The following TMEM54 variants were observed in gnomAD, a reference collection of about 807,000 sequenced individuals.
TMEM54 encodes beta-casein-like protein.
Under a neutral mutation model 21.3 loss-of-function variants are expected in TMEM54, and 21 were observed. The ratio of observed to expected loss-of-function variants is 0.99; its 90% CI spans 0.70 to 1.42. TMEM54 has a LOEUF of 1.42. TMEM54 is among the 40% of genes most tolerant of loss of function. TMEM54 has a pLI of 0.00. For missense variants in TMEM54, 246 were observed against 294.0 expected (o/e 0.84, Z 1.19); for synonymous variants, 109 against 125.0 (o/e 0.87, Z 0.86).
In TMEM54 at chr1:32,894,717, GGCCA is replaced by G; in HGVS notation, c.*84_*87del. The G allele has an allele frequency of 6.4e-7, 1 of 1,555,952 alleles. No individual in the cohort carries two copies. Among genetic ancestry groups the G allele is most frequent in the Non-Finnish European group, 8.8e-7 (1 of 1,138,956 alleles). ...CCCGAGGGTCCATTGAGCCCTCTCA[GGCCA>G]GCTCCAGGAATCCTGGCCTGGTCAC... On this transcript the variant is annotated 3_prime_UTR_variant, in exon 6 of 6. Coordinates refer to ENST00000373463, the MANE Select transcript of TMEM54 (RefSeq NM_033504.4).
intron 1 of TMEM54, among the ~76,000 whole-genome samples, chr1:32,900,661 C>T (rs1038935852): frequency 3.9e-5 from 6 of 152,228 alleles, no homozygotes; most frequent in Non-Finnish European, 5.9e-5. Context: ...AACTGAGGCT[C>T]ACAAGGTCTC....
chr1:32,895,485 G>A lies in TMEM54; in HGVS notation c.460-46C>T, dbSNP rs771637960. On this transcript the variant is annotated intron_variant, in intron 4 of 5. Transcript: ENST00000373463. The surrounding 1 kb of genome is among the most constrained non-coding windows in gnomAD (Gnocchi z 5.8). ...ATGGCTGGCTGGAGTTGGGGGTGGA[G>A]GGTGGATTCCAAGAGCCCTTCCCAC... 43 of 1,597,276 alleles carry A rather than the reference G, an allele frequency of 2.7e-5. No homozygotes were observed. The highest frequency in any genetic ancestry group is 3.3e-5 in the Non-Finnish European group (39 of 1,168,780).
In TMEM54 at chr1:32,896,252, G is replaced by A. The variant is rs536949925; in HGVS notation, c.211-283C>T. On this transcript the variant is annotated intron_variant, in intron 2 of 5. Transcript: ENST00000373463. The surrounding 1 kb of genome is among the most constrained non-coding windows in gnomAD (Gnocchi z 4.1). Reference sequence around the variant, plus strand: ...CAGGTTCATGTATCCTGGGGCCACCGGGGCATGCCAGGGTATGCATGGGAC... The same window carrying A: ...CAGGTTCATGTATCCTGGGGCCACCAGGGCATGCCAGGGTATGCATGGGAC... The A allele has an allele frequency of 4.1e-5, 14 of 340,046 alleles. No individual in the cohort carries two copies. The highest frequency in any genetic ancestry group is 3.7e-4 in the Admixed American group (8 of 21,822). The allele number at this position is 340,046 out of a possible 1,614,324, so 21.1% of individuals were successfully genotyped here.
Position 32,901,358 on chromosome 1 carries a change from GC to G in TMEM54, c.-121del. On this transcript the variant is annotated 5_prime_UTR_variant, in exon 1 of 6. Transcript: ENST00000373463. This position sits in a 1 kb window ranked among gnomAD's most constrained non-coding sequence, Gnocchi z 4.2. ...CCGCGCGCCCCGCACCGTCGCGCTC[GC>G]CCACTTCCCGCCCGGAGCCCGGGGC... 1 of 1,006,936 alleles carries G rather than the reference GC, an allele frequency of 9.9e-7. No individual in the cohort carries two copies. The highest frequency in any genetic ancestry group is 1.3e-6 in the Non-Finnish European group (1 of 799,370). The allele number at this position is 1,006,936 out of a possible 1,614,324, so 62.4% of individuals were successfully genotyped here. A position where few individuals can be genotyped will look rare whatever the true frequency, so the allele number is the denominator to read the frequency against.
In TMEM54 at chr1:32,895,329, C is replaced by T; in HGVS notation, c.570G>A (p.Trp190Ter). Residue 190 changes from tryptophan (W) to a stop codon, truncating the protein, a stop_gained, in exon 5 of 6, where the codon TGG becomes TGA. Transcript: ENST00000373463. LOFTEE classifies it high-confidence loss of function. The surrounding 1 kb of genome is among the most constrained non-coding windows in gnomAD (Gnocchi z 5.8). ...CCATGTGGTGGCTGCTTTTCCCCCA[C>T]CAGGGCCTCAGCTCCAGCAGCTGGT... ...LTHQLLELRP[W>*]WGKSSHHMMR... is the part of the protein sequence containing the mutation. 2 of 1,613,252 alleles carry T rather than the reference C, an allele frequency of 1.2e-6. No homozygotes were observed. The highest frequency in any genetic ancestry group is 2.2e-5 in the South Asian group (2 of 91,010).
Position 32,895,194 on chromosome 1 carries a change from C to T in TMEM54, c.594+111G>A. ...TTTGCTCCTGGGGAGAAAACTTCTG[C>T]CCCATTTCTCAAGGTGGGGGCCCAT... On this transcript the variant is annotated intron_variant, in intron 5 of 5. Coordinates refer to ENST00000373463, the MANE Select transcript of TMEM54 (RefSeq NM_033504.4). The surrounding 1 kb of genome is among the most constrained non-coding windows in gnomAD (Gnocchi z 5.8). 1 of 1,421,296 alleles carries T rather than the reference C, an allele frequency of 7.0e-7. No homozygotes were observed. Among genetic ancestry groups the T allele is most frequent in the Non-Finnish European group, 9.4e-7 (1 of 1,066,706 alleles). 88.0% of individuals were successfully genotyped at this position (1,421,296 alleles called of 1,614,324 possible).
chr1:32,899,145 C>T (rs1299997154), intron 1 of TMEM54, among the ~76,000 whole-genome samples: 1 of 152,136 alleles, frequency 6.6e-6, no homozygotes, highest in Non-Finnish European at 1.5e-5. Flanking sequence ...TCCCGACCTG[C>T]TGTCTGAAAT....
Position 32,894,920 on chromosome 1 carries a change from G to A in TMEM54, c.595-41C>T. Reference sequence around the variant, plus strand: ...AGGCTGCCAGACCCACTGGTTCTCAGCCTGGGTCTCCTCCTCCAGGACATC... The same window carrying A: ...AGGCTGCCAGACCCACTGGTTCTCAACCTGGGTCTCCTCCTCCAGGACATC... On this transcript the variant is annotated intron_variant, in intron 5 of 5. Transcript: ENST00000373463. 2 of 1,597,144 alleles carry A rather than the reference G, an allele frequency of 1.3e-6. 1 individual carries two copies. The highest frequency in any genetic ancestry group is 2.2e-5 in the South Asian group (2 of 90,566).
At position 32,899,259 on chromosome 1, in the gene TMEM54, G is replaced by A. The variant is rs573486539; in HGVS notation, c.17-940C>T. ...TCTGAGACTTGAAGACTGTGGTCAG[G>A]CCCTAGAACTAAACATCCCCTTCTT... On this transcript the variant is annotated intron_variant, in intron 1 of 5. Coordinates refer to ENST00000373463, the MANE Select transcript of TMEM54 (RefSeq NM_033504.4). Among the ~76,000 whole-genome samples, 95 of 152,216 alleles carry A rather than the reference G, an allele frequency of 6.2e-4. 1 individual carries two copies. Among genetic ancestry groups the A allele is most frequent in the African/African-American group, 2.2e-3 (91 of 41,546 alleles).
In TMEM54 at chr1:32,895,809, C is replaced by A; in HGVS notation, c.271-66G>T. Reference sequence around the variant, plus strand: ...GCCCCCATGGGCAGCTCTGGCCTCCCTGAGGGTCAGCCTTACCCTCTCCAA... The same window carrying A: ...GCCCCCATGGGCAGCTCTGGCCTCCATGAGGGTCAGCCTTACCCTCTCCAA... On this transcript the variant is annotated intron_variant, in intron 3 of 5. Coordinates refer to ENST00000373463, the MANE Select transcript of TMEM54 (RefSeq NM_033504.4). The surrounding 1 kb of genome is among the most constrained non-coding windows in gnomAD (Gnocchi z 5.8). 1 of 1,550,184 alleles carries A rather than the reference C, an allele frequency of 6.5e-7. No individual in the cohort carries two copies. The highest frequency in any genetic ancestry group is 1.2e-5 in the South Asian group (1 of 82,476).
Position 32,896,117 on chromosome 1 carries a change from TCA to T in TMEM54, c.211-150_211-149del. 1.3e-6 allele frequency: 1 copy of T among 769,512 alleles called. No individual in the cohort carries two copies. Among genetic ancestry groups the T allele is most frequent in the South Asian group, 1.9e-5 (1 of 52,252 alleles). 47.7% of individuals were successfully genotyped at this position (769,512 alleles called of 1,614,324 possible). ...CCTCACCTGCTGCTTAGCCTGGGCC[TCA>T]CATCTCCATCTGCCTCCTCATAGTC... On this transcript the variant is annotated intron_variant, in intron 2 of 5. Coordinates refer to ENST00000373463, the MANE Select transcript of TMEM54 (RefSeq NM_033504.4). The surrounding 1 kb of genome is among the most constrained non-coding windows in gnomAD (Gnocchi z 4.1).
At position 32,897,493 on chromosome 1, in the gene TMEM54, T is replaced by C. The variant is rs1279575030; in HGVS notation, c.210+633A>G. On this transcript the variant is annotated intron_variant, in intron 2 of 5. Coordinates refer to ENST00000373463, the MANE Select transcript of TMEM54 (RefSeq NM_033504.4). This position sits in a 1 kb window ranked among gnomAD's most constrained non-coding sequence, Gnocchi z 4.9. ...TGGTCACAACCGTGGCTACCATTCA[T>C]TGAGCAGTTGCTACAGACCGGGCCT... is the stretch of plus-strand genomic sequence containing the variant. 6.6e-6 allele frequency among the ~76,000 whole-genome samples: 1 copy of C among 152,208 alleles called. No individual in the cohort carries two copies. The highest frequency in any genetic ancestry group is 1.5e-5 in the Non-Finnish European group (1 of 68,034).
At position 32,901,119 on chromosome 1, in the gene TMEM54, C is replaced by A; in HGVS notation, c.16+104G>T. On this transcript the variant is annotated intron_variant, in intron 1 of 5. Coordinates refer to ENST00000373463, the MANE Select transcript of TMEM54 (RefSeq NM_033504.4). The surrounding 1 kb of genome is among the most constrained non-coding windows in gnomAD (Gnocchi z 4.2). ...GCCTCGTAGTAAGTTAGAGGCAGAG[C>A]AGGTGGCCTGGCCCCCTGGGGGCTC... The A allele has an allele frequency of 8.1e-7, 1 of 1,237,102 alleles. No individual in the cohort carries two copies. The highest frequency in any genetic ancestry group is 1.1e-6 in the Non-Finnish European group (1 of 950,522). 76.6% of individuals were successfully genotyped at this position (1,237,102 alleles called of 1,614,324 possible).
intron 1 of TMEM54, 42 bp from the exon 2 acceptor site, chr1:32,898,361 C>A: frequency 6.5e-7 from 1 of 1,546,960 alleles, no homozygotes; most frequent in Non-Finnish European, 8.8e-7. Context: ...TGGGGCTTAT[C>A]CTGCTGGGCA....
chr1:32,896,050 G>T lies in TMEM54; in HGVS notation c.211-81C>A. 6.7e-7 allele frequency: 1 copy of T among 1,486,562 alleles called. No homozygotes were observed. The highest frequency in any genetic ancestry group is 1.3e-5 in the South Asian group (1 of 78,224). The allele number at this position is 1,486,562 out of a possible 1,614,324, so 92.1% of individuals were successfully genotyped here. A position where few individuals can be genotyped will look rare whatever the true frequency, so the allele number is the denominator to read the frequency against. On this transcript the variant is annotated intron_variant, in intron 2 of 5. Transcript: ENST00000373463. This position sits in a 1 kb window ranked among gnomAD's most constrained non-coding sequence, Gnocchi z 4.1. Reference sequence around the variant, plus strand: ...GGGATCAGGGCCACTCTGGGATAATGATCTCACCGGCGCCAACCATTGCCC... The same window carrying T: ...GGGATCAGGGCCACTCTGGGATAATTATCTCACCGGCGCCAACCATTGCCC...
chr1:32,895,792 G>A lies in TMEM54; in HGVS notation c.271-49C>T, dbSNP rs147123038. The A allele has an allele frequency of 3.8e-4, 589 of 1,546,512 alleles. 2 individuals carry two copies. In the African/African-American group the frequency reaches 7.5e-3, roughly 20 times the overall value. On this transcript the variant is annotated intron_variant, in intron 3 of 5. Transcript: ENST00000373463. This position sits in a 1 kb window ranked among gnomAD's most constrained non-coding sequence, Gnocchi z 5.8. ...AATGGGCGTCGTGCTTGGCCCCCAT[G>A]GGCAGCTCTGGCCTCCCTGAGGGTC...
chr1:32,899,124 C>T (rs1460369935), intron 1 of TMEM54, among the ~76,000 whole-genome samples: 1 of 152,166 alleles, frequency 6.6e-6, no homozygotes, highest in African/African-American at 2.4e-5. Flanking sequence ...GCCCTACCTG[C>T]ACATGCCGGC....
In TMEM54 at chr1:32,896,863, G is replaced by A. The variant is rs1260597248; in HGVS notation, c.211-894C>T. Among the ~76,000 whole-genome samples, 2 of 152,264 alleles carry A rather than the reference G, an allele frequency of 1.3e-5. No individual in the cohort carries two copies. ...TGGGCTTAGCCCCACTCTGCAGGAT[G>A]AGCTGACAGAAAGGACACTGGTTTT... is the stretch of plus-strand genomic sequence containing the variant. On this transcript the variant is annotated intron_variant, in intron 2 of 5. Transcript: ENST00000373463. The surrounding 1 kb of genome is among the most constrained non-coding windows in gnomAD (Gnocchi z 4.1).
intron 5 of TMEM54, 46 bp from the exon 6 acceptor site, chr1:32,894,925 G>C: frequency 6.3e-7 from 1 of 1,595,134 alleles, no homozygotes; most frequent in Non-Finnish European, 8.6e-7. Flanking sequence ...TCTCAGCCTG[G>C]GTCTCCTCCT....
Sources: allele counts gnomAD v4.1 joint callset (sites outside exome capture counted in the v4.1 genomes callset), GRCh38; gene constraint gnomAD v4.1.1; non-coding constraint Gnocchi (gnomAD v3.1); transcripts MANE v1.5; gene names NCBI Gene and HGNC (gene_info 2026-07-23, HGNC 2026-07-21).